RIC8A: variants seen among roughly 807,000 people sequenced by gnomAD.
RIC8A encodes RIC8 guanine nucleotide exchange factor A, also known as chaperone Ric-8A.
RIC8A carries 37 observed loss-of-function variants against 48.4 expected under a neutral mutation model. That is an observed-to-expected ratio of 0.77 (90% CI 0.59 to 1.01). The LOEUF is 1.01. Among genes scored for constraint, RIC8A ranks in the 50% least tolerant of loss-of-function variants. The pLI is 0.00. For missense variants in RIC8A, 681 were observed against 696.8 expected (o/e 0.98, Z 0.25); for synonymous variants, 288 against 283.4 (o/e 1.02, Z -0.16).
chr11:210,900 G>A (rs952293242), intron 4 of RIC8A: 6 of 604,108 alleles, frequency 9.9e-6, no homozygotes, highest in Admixed American at 5.9e-5. Context: ...CCTTGTCCCC[G>A]TTTTTGGTCT....
intron 9 of RIC8A, 76 bp from the exon 10 acceptor site, chr11:214,154 G>C: frequency 6.6e-7 from 1 of 1,516,470 alleles, no homozygotes; most frequent in Admixed American, 2.0e-5. Context: ...GAGGAAGGTA[G>C]CAGCCACGGG....
Position 212,994 on chromosome 11 carries a change from A to C in RIC8A, c.1355+13A>C, listed in dbSNP as rs1855402512. The C allele has an allele frequency of 6.5e-7, 1 of 1,538,718 alleles. No individual in the cohort carries two copies. The highest frequency in any genetic ancestry group is 8.7e-7 in the Non-Finnish European group (1 of 1,143,894). On this transcript the variant is annotated intron_variant, in intron 8 of 9. Transcript: ENST00000526104. The stretch of plus-strand genomic sequence containing the variant: ...AAGCCAAAGCCAGGTGTGTACCCCC[A>C]ACACACCCTCGGGTCTCCACTCACA...
chr11:210,536 G>T, intron 3 of RIC8A, 35 bp from the exon 4 acceptor site: 1 of 1,584,850 alleles, frequency 6.3e-7, no homozygotes, highest in Non-Finnish European at 8.7e-7. Flanking sequence ...GGGATGAGTG[G>T]GGCTCCTCAC....
Position 214,398 on chromosome 11 carries a change from A to C in RIC8A, c.*48A>C. On this transcript the variant is annotated 3_prime_UTR_variant, in exon 10 of 10. Coordinates refer to ENST00000526104, the MANE Select transcript of RIC8A (RefSeq NM_001286134.2). The stretch of plus-strand genomic sequence containing the variant: ...CCATCAGGACTGGTGCTGCTTCCAG[A>C]GACTTCCTTGGGGTTGCAACCTGGG... 1 of 1,555,660 alleles carries C rather than the reference A, an allele frequency of 6.4e-7. No homozygotes were observed. The highest frequency in any genetic ancestry group is 1.4e-5 in the African/African-American group (1 of 73,616).
rs374624323 is a variant in RIC8A at position 212,522 on chromosome 11, G to A, written c.1065+11G>A. On this transcript the variant is annotated intron_variant, in intron 6 of 9. Transcript: ENST00000526104. Reference sequence around the variant, plus strand: ...TTCCTGAAGGCCCAGGTATAAGGCTGAGGAGCTGGTGCTCCTGGGGGATGT... The same window carrying A: ...TTCCTGAAGGCCCAGGTATAAGGCTAAGGAGCTGGTGCTCCTGGGGGATGT... The A allele has an allele frequency of 4.0e-5, 65 of 1,613,238 alleles. 1 individual carries two copies. The highest frequency in any genetic ancestry group is 5.4e-5 in the Non-Finnish European group (64 of 1,179,696).
At position 213,397 on chromosome 11, in the gene RIC8A, C is replaced by T. The variant is rs116665491; in HGVS notation, c.1454C>T (p.Thr485Ile). ...QKEHEAMKLVTMFDKLSRNRV... is the reference protein window; with the variant it reads ...QKEHEAMKLVIMFDKLSRNRV... The stretch of plus-strand genomic sequence containing the variant: ...GAGCACGAGGCCATGAAGCTGGTGA[C>T]CATGTTTGACAAGCTCTCCAGGTGT... The change falls in exon 9 of 10, where the codon ACC (threonine) becomes ATC (isoleucine). Residue 485 changes from threonine to isoleucine, a missense_variant. Coordinates refer to ENST00000526104, the MANE Select transcript of RIC8A (RefSeq NM_001286134.2). 441 of 1,596,990 alleles carry T rather than the reference C, an allele frequency of 2.8e-4. 5 individuals carry two copies. The East Asian group carries it at 7.4e-3, about 27-fold the overall frequency.
rs1255451333 is a variant in RIC8A at position 214,815 on chromosome 11, A to G, written c.*465A>G. The G allele has an allele frequency of 1.2e-5, 4 of 331,826 alleles. No homozygotes were observed. The highest frequency in any genetic ancestry group is 4.5e-5 in the Admixed American group (1 of 22,372). The allele number at this position is 331,826 out of a possible 1,614,324, so 20.6% of individuals were successfully genotyped here. On this transcript the variant is annotated 3_prime_UTR_variant, in exon 10 of 10. Transcript: ENST00000526104. ...ACCTGTCAGAACTTTCCATACGAGT[A>G]TATCAGAACACACCCTTCCAAGGTA...
In RIC8A at chr11:209,874, G is replaced by T; in HGVS notation, c.600G>T (p.Leu200=). 7 of 1,608,056 alleles carry T rather than the reference G, an allele frequency of 4.4e-6. No individual in the cohort carries two copies. Among genetic ancestry groups the T allele is most frequent in the African/African-American group, 1.3e-5 (1 of 74,150 alleles). Reference sequence around the variant, plus strand: ...TAACTGACACACTGGAGCTGACGCTGGGGGTGACTCCTGAAGGGAACCCCC... The same window carrying T: ...TAACTGACACACTGGAGCTGACGCTTGGGGTGACTCCTGAAGGGAACCCCC... ...RLLTDTLELT[L]GVTPEGNPPP... is the part of the protein sequence containing the mutation. Residue 200 remains leucine (L), a synonymous_variant, in exon 3 of 10, where the codon CTG becomes CTT. Coordinates refer to ENST00000526104, the MANE Select transcript of RIC8A (RefSeq NM_001286134.2).
At chr11:210,911 A>T (rs774611143) in intron 4 of RIC8A, 3 of 603,284 alleles carry the variant, frequency 5.0e-6, no homozygotes, top group Non-Finnish European at 8.8e-6. Flanking sequence ...TTTTTGGTCT[A>T]CCTGCCCCTA....
At chr11:209,239 T>C (rs373526175) in intron 1 of RIC8A, 32 bp from the exon 2 acceptor site, 2 of 1,613,802 alleles carry the variant, frequency 1.2e-6, no homozygotes, top group South Asian at 1.1e-5. Context: ...CCTACCCCTC[T>C]GTGGATTTGA....
chr11:209,210 C>T (rs1328612745), intron 1 of RIC8A, 61 bp from the exon 2 acceptor site: 12 of 1,601,926 alleles, frequency 7.5e-6, no homozygotes, highest in Non-Finnish European at 1.0e-5. Context: ...ATAGGCCGCC[C>T]GCATCAGCGG....
rs1332696455 is a variant in RIC8A at position 214,218 on chromosome 11, T to A, written c.1476-12T>A. On this transcript the variant is annotated splice_polypyrimidine_tract_variant and intron_variant, in intron 9 of 9. Transcript: ENST00000526104. ...GCCCCTTCCCCAGCCCCACTGCACC[T>A]TTCCCCAACAGGAACAGAGTCATCC... 3 of 1,612,736 alleles carry A rather than the reference T, an allele frequency of 1.9e-6. No homozygotes were observed. In the Admixed American group the frequency reaches 5.0e-5, roughly 27 times the overall value.
In RIC8A at chr11:208,715, C is replaced by G; in HGVS notation, c.-140C>G. 1.7e-6 allele frequency: 1 copy of G among 574,718 alleles called. No individual in the cohort carries two copies. The highest frequency in any genetic ancestry group is 2.9e-6 in the Non-Finnish European group (1 of 341,662). The allele number at this position is 574,718 out of a possible 1,614,324, so 35.6% of individuals were successfully genotyped here. On this transcript the variant is annotated 5_prime_UTR_variant, in exon 1 of 10. Transcript: ENST00000526104. This position sits in a 1 kb window ranked among gnomAD's most constrained non-coding sequence, Gnocchi z 4.8. ...TAAAGCGCCACCAGACGCTGCGCCC[C>G]GTTAAAGCGCCACCAGACGCCGCGC...
Position 212,433 on chromosome 11 carries a change from G to C in RIC8A, c.987G>C (p.Glu329Asp), listed in dbSNP as rs1335906238. 2 of 1,613,914 alleles carry C rather than the reference G, an allele frequency of 1.2e-6. No homozygotes were observed. The highest frequency in any genetic ancestry group is 3.3e-5 in the Admixed American group (2 of 60,000). Reference protein sequence around the residue: ...KRLHKTHRLKESVAPVLSVLT... With the variant: ...KRLHKTHRLKDSVAPVLSVLT... ...CTCTACAGACACACAGGCTGAAGGA[G>C]AGTGTAGCTCCCGTGCTGAGCGTGC... The change falls in exon 6 of 10, where the codon GAG (glutamate) becomes GAC (aspartate). Residue 329 changes from glutamate to aspartate, a missense_variant. By Grantham distance (45) the Glu-to-Asp change is conservative (BLOSUM62 2). Transcript: ENST00000526104.
In RIC8A at chr11:208,768, CGCGG is replaced by C; in HGVS notation, c.-85_-82del. 3 of 1,079,768 alleles carry C rather than the reference CGCGG, an allele frequency of 2.8e-6. No individual in the cohort carries two copies. Among genetic ancestry groups the C allele is most frequent in the Non-Finnish European group, 3.9e-6 (3 of 772,898 alleles). 66.9% of individuals were successfully genotyped at this position (1,079,768 alleles called of 1,614,324 possible). A position where few individuals can be genotyped will look rare whatever the true frequency, so the allele number is the denominator to read the frequency against. ...CGTCCCGGCCTCCCCCGCGCGCTGGCGCGGGGCTTTCTGGGCCAGGGCGGGGCCG... is the reference window on the plus strand; with the variant it reads ...CGTCCCGGCCTCCCCCGCGCGCTGGCGGCTTTCTGGGCCAGGGCGGGGCCG... On this transcript the variant is annotated 5_prime_UTR_variant, in exon 1 of 10. Transcript: ENST00000526104. The surrounding 1 kb of genome is among the most constrained non-coding windows in gnomAD (Gnocchi z 4.8).
At position 209,272 on chromosome 11, in the gene RIC8A, A is replaced by C; in HGVS notation, c.86A>C (p.His29Pro). 1.2e-6 allele frequency: 2 copies of C among 1,613,944 alleles called. No individual in the cohort carries two copies. The highest frequency in any genetic ancestry group is 1.7e-6 in the Non-Finnish European group (2 of 1,179,976). ...MEALRSYNQE[H>P]SQSFTFDDAQ... ...TGAATTCACTAGTTCTCTCTGCAGC[A>C]CTCCCAGAGCTTCACGTTTGATGAT... is the stretch of plus-strand genomic sequence containing the variant. The change falls in exon 2 of 10, where the codon CAC (histidine) becomes CCC (proline). Residue 29 changes from histidine (H) to proline (P), a missense_variant and splice_region_variant. His to Pro is a moderately conservative substitution (Grantham distance 77, BLOSUM62 -2). Coordinates refer to ENST00000526104, the MANE Select transcript of RIC8A (RefSeq NM_001286134.2).
chr11:213,514 G>A lies in RIC8A; in HGVS notation c.1475+96G>A, dbSNP rs74587024. ...CCCCAGGAGGTAGGATCAGAGGAGA[G>A]CTTAGGATCCTGGTATTAGGTTGCA... On this transcript the variant is annotated intron_variant, in intron 9 of 9. Coordinates refer to ENST00000526104, the MANE Select transcript of RIC8A (RefSeq NM_001286134.2). 5.8e-3 allele frequency: 8,692 copies of A among 1,492,688 alleles called. 75 individuals are homozygous for A. Among genetic ancestry groups the A allele is most frequent in the South Asian group, 0.029 (2,312 of 79,114 alleles). The allele number at this position is 1,492,688 out of a possible 1,614,324, so 92.5% of individuals were successfully genotyped here.
At chr11:213,239 T>A in intron 8 of RIC8A, 60 bp from the exon 9 acceptor site, 1 of 1,600,116 alleles carries the variant, frequency 6.2e-7, no homozygotes, top group African/African-American at 1.3e-5. Flanking sequence ...AATAGGTGGC[T>A]TGCCTCCTGT....
Position 208,771 on chromosome 11 carries a change from G to T in RIC8A, c.-84G>T, listed in dbSNP as rs564547320. ...CCCGGCCTCCCCCGCGCGCTGGCGC[G>T]GGGCTTTCTGGGCCAGGGCGGGGCC... On this transcript the variant is annotated 5_prime_UTR_variant, in exon 1 of 10. Transcript: ENST00000526104. The surrounding 1 kb of genome is among the most constrained non-coding windows in gnomAD (Gnocchi z 4.8). 9.5e-5 allele frequency: 106 copies of T among 1,121,192 alleles called. 1 individual carries two copies. The East Asian group carries it at 3.0e-3, about 32-fold the overall frequency. 69.5% of individuals were successfully genotyped at this position (1,121,192 alleles called of 1,614,324 possible).
Sources: gnomAD v4.1 joint callset for allele counts on GRCh38, gnomAD v4.1.1 for gene constraint, Gnocchi (gnomAD v3.1) non-coding constraint, MANE v1.5 for transcripts, NCBI Gene and HGNC (gene_info 2026-07-23, HGNC 2026-07-21) for gene names.